LRMDA: variants seen among roughly 807,000 people sequenced by gnomAD.
LRMDA encodes leucine-rich melanocyte differentiation-associated protein.
A neutral mutation model predicts 29.8 loss-of-function variants in LRMDA; 18 were observed. The observed-to-expected ratio is 0.60, with a 90% CI of 0.42 to 0.90. The LOEUF is 0.90. Ranked by LOEUF, LRMDA falls within the 40% of genes least tolerant of loss-of-function variation. The pLI is 0.00. For missense variants in LRMDA, 273 were observed against 273.9 expected, an observed-to-expected ratio of 1.00 and a Z score of 0.02; for synonymous variants, 125 against 109.4, an observed-to-expected ratio of 1.14 and a Z score of -0.89.
chr10:76,126,710 C>A (rs1849890409), intron 5 of LRMDA, among the ~76,000 whole-genome samples: 1 of 152,174 alleles, frequency 6.6e-6, no homozygotes. Flanking sequence ...TGCTGACCAG[C>A]CTATTGCAGG....
At chr10:76,265,875 C>G (rs2132314904) in intron 5 of LRMDA, among the ~76,000 whole-genome samples, 2 of 152,344 alleles carry the variant, frequency 1.3e-5, no homozygotes, top group East Asian at 3.9e-4. Context: ...AACCACCAGA[C>G]TGTTCACATT....
chr10:75,814,060 C>T (rs936926435), intron 2 of LRMDA, among the ~76,000 whole-genome samples: 3 of 152,214 alleles, frequency 2.0e-5, no homozygotes, highest in Non-Finnish European at 2.9e-5. Flanking sequence ...CTTCCTTTTG[C>T]CTTAGTCCTA....
chr10:75,999,132 G>A (rs1847520019), intron 2 of LRMDA, among the ~76,000 whole-genome samples: 1 of 152,212 alleles, frequency 6.6e-6, no homozygotes, highest in African/African-American at 2.4e-5. Flanking sequence ...CACAGCTGGT[G>A]GGACTGTTGG....
intron 2 of LRMDA, among the ~76,000 whole-genome samples, chr10:75,472,287 CA>C (rs1427970895): frequency 6.6e-6 from 1 of 152,186 alleles, no homozygotes; most frequent in Admixed American, 6.5e-5. Context: ...TCCCCAAAAC[CA>C]GGTAATGAAG....
intron 5 of LRMDA, among the ~76,000 whole-genome samples, chr10:76,082,112 A>G (rs558534726): frequency 6.6e-6 from 1 of 152,140 alleles, no homozygotes; most frequent in Non-Finnish European, 1.5e-5. Flanking sequence ...AAGATCAAAA[A>G]TTGAAATTCT....
chr10:76,493,945 C>A (rs959448172), intron 6 of LRMDA, among the ~76,000 whole-genome samples: 3 of 151,974 alleles, frequency 2.0e-5, no homozygotes, highest in Non-Finnish European at 4.4e-5. Flanking sequence ...TTTCATATTT[C>A]TGTGCTATTC....
intron 2 of LRMDA, among the ~76,000 whole-genome samples, chr10:75,912,800 A>T (rs1845863402): frequency 6.6e-6 from 1 of 152,164 alleles, no homozygotes; most frequent in South Asian, 2.1e-4. Flanking sequence ...AATAATATAT[A>T]CACAAAATAG....
chr10:76,186,394 A>G (rs1851150506), intron 5 of LRMDA, among the ~76,000 whole-genome samples: 1 of 152,236 alleles, frequency 6.6e-6, no homozygotes, highest in African/African-American at 2.4e-5. Context: ...TGCAAGTAAC[A>G]TGCTTTTCAG....
intron 5 of LRMDA, among the ~76,000 whole-genome samples, chr10:76,229,725 G>A (rs1385270449): frequency 6.6e-6 from 1 of 152,138 alleles, no homozygotes; most frequent in South Asian, 2.1e-4. Context: ...TTCCGAGCCC[G>A]TGTCTTTGCG....
In LRMDA at chr10:75,431,713, G is replaced by T; in HGVS notation, c.-12G>T. The T allele has an allele frequency of 7.4e-7, 1 of 1,347,776 alleles. No individual in the cohort carries two copies. Among genetic ancestry groups the T allele is most frequent in the South Asian group, 2.0e-5 (1 of 49,342 alleles). The allele number at this position is 1,347,776 out of a possible 1,614,324, so 83.5% of individuals were successfully genotyped here. On this transcript the variant is annotated 5_prime_UTR_variant, in exon 1 of 7. Transcript: ENST00000611255. ...GCGCTCCGTCCCGCGCGCCCGCAGC[G>T]TCCTGGCCGCCATGGCCGGGCTCGT...
chr10:76,001,440 A>T (rs768610812), intron 2 of LRMDA, among the ~76,000 whole-genome samples: 1 of 152,184 alleles, frequency 6.6e-6, no homozygotes, highest in Non-Finnish European at 1.5e-5. Flanking sequence ...TGAAGTTTCA[A>T]TGTGAAATTT....
chr10:75,442,903 T>G (rs1191762630), intron 2 of LRMDA, among the ~76,000 whole-genome samples: 1 of 152,142 alleles, frequency 6.6e-6, no homozygotes, highest in Non-Finnish European at 1.5e-5. Context: ...TAGTTTTCAT[T>G]GTACAGCTCT....
intron 2 of LRMDA, among the ~76,000 whole-genome samples, chr10:75,963,598 G>A (rs1407315726): frequency 1.3e-5 from 2 of 152,206 alleles, no homozygotes; most frequent in African/African-American, 4.8e-5. Context: ...GTGGCAGGGA[G>A]CTTGGGTTCC....
chr10:76,450,721 A>G (rs1842397583), intron 6 of LRMDA, among the ~76,000 whole-genome samples: 1 of 152,072 alleles, frequency 6.6e-6, no homozygotes, highest in African/African-American at 2.4e-5. Context: ...TCAAATATGG[A>G]CTTTCATTTT....
intron 5 of LRMDA, among the ~76,000 whole-genome samples, chr10:76,167,163 T>C (rs1850755826): frequency 6.6e-6 from 1 of 152,240 alleles, no homozygotes; most frequent in African/African-American, 2.4e-5. Context: ...TGTTTGTTTT[T>C]TTCTTGTACA....
chr10:76,036,017 A>G lies in LRMDA; in HGVS notation c.141A>G (p.Glu47=). 6.2e-7 allele frequency: 1 copy of G among 1,613,976 alleles called. No individual in the cohort carries two copies. Among genetic ancestry groups the G allele is most frequent in the South Asian group, 1.1e-5 (1 of 91,028 alleles). The change falls in exon 3 of 7, where the codon GAA becomes GAG. Residue 47 remains glutamate, a synonymous_variant. Coordinates refer to ENST00000611255, the MANE Select transcript of LRMDA (RefSeq NM_001305581.2). ...DLSFNLLRSL[E]GLSAFRSLEE... is the part of the protein sequence containing the mutation. ...GCCTTTGTCATTGCAGGTCACTGGA[A>G]GGACTGAGCGCATTCAGGAGCCTGG...
chr10:76,236,551 G>A (rs896153805), intron 5 of LRMDA, among the ~76,000 whole-genome samples: 3 of 152,132 alleles, frequency 2.0e-5, no homozygotes, highest in African/African-American at 7.2e-5. Flanking sequence ...CCAATCAATG[G>A]TCTCCACACT....
At chr10:75,740,042 G>A (rs1040431811) in intron 2 of LRMDA, among the ~76,000 whole-genome samples, 2 of 152,134 alleles carry the variant, frequency 1.3e-5, no homozygotes, top group African/African-American at 4.8e-5. Flanking sequence ...TTTTAAATAA[G>A]CAGAGATTGT....
At chr10:75,897,206 T>C (rs1845598333) in intron 2 of LRMDA, among the ~76,000 whole-genome samples, 1 of 152,226 alleles carries the variant, frequency 6.6e-6, no homozygotes, top group African/African-American at 2.4e-5. Flanking sequence ...CCTCTTAGAA[T>C]GGGTAATGGC....
Sources: allele counts gnomAD v4.1 joint callset (sites outside exome capture counted in the v4.1 genomes callset), GRCh38; gene constraint gnomAD v4.1.1; transcripts MANE v1.5; gene names NCBI Gene and HGNC (gene_info 2026-07-23, HGNC 2026-07-21).